COMMD10: variants seen among roughly 807,000 people sequenced by gnomAD.
The protein encoded by COMMD10 is COMM domain-containing protein 10.
COMMD10 carries 33 observed loss-of-function variants against 28.9 expected under a neutral mutation model. The observed-to-expected ratio is 1.14, with a 90% confidence interval of 0.87 to 1.53. The LOEUF is 1.53. COMMD10 is among the 40% of genes most tolerant of loss of function. The pLI, the probability that COMMD10 is intolerant of heterozygous loss-of-function variation, is 0.00. For missense variants in COMMD10, 310 were observed against 233.4 expected, an observed-to-expected ratio of 1.33 and a Z score of -2.14; for synonymous variants, 110 against 81.7, an observed-to-expected ratio of 1.35 and a Z score of -1.87.
At chr5:116,183,644 T>C (rs75782919) in intron 5 of COMMD10, among the ~76,000 whole-genome samples, 2,189 of 152,204 alleles carry the variant, frequency 0.014, 49 homozygotes, top group African/African-American at 0.046. Context: ...CCATTTCTGT[T>C]TTGTTCACCA....
rs1291871285 is a variant in COMMD10 at position 116,219,469 on chromosome 5, TATAAG to T, written c.511-72046_511-72042del. Among the ~76,000 whole-genome samples, 18 of 152,180 alleles carry T rather than the reference TATAAG, an allele frequency of 1.2e-4. No homozygotes were observed. In the South Asian group the frequency reaches 2.7e-3, roughly 23 times the overall value. The stretch of plus-strand genomic sequence containing the variant: ...CCATAAGCACAATAATAAATGTCCT[TATAAG>T]AGAGAGGCAGAGGGAGATTTGACAC... On this transcript the variant is annotated intron_variant, in intron 5 of 6. Transcript: ENST00000274458.
At chr5:116,257,951 G>A (rs991529665) in intron 5 of COMMD10, among the ~76,000 whole-genome samples, 3 of 151,586 alleles carry the variant, frequency 2.0e-5, no homozygotes, top group African/African-American at 7.3e-5. Flanking sequence ...GGTTCTGTGC[G>A]ATATAGAATG....
chr5:116,206,448 C>T (rs937354606), intron 5 of COMMD10, among the ~76,000 whole-genome samples: 3 of 152,132 alleles, frequency 2.0e-5, no homozygotes, highest in Non-Finnish European at 4.4e-5. Context: ...GTCAGGAGTT[C>T]AAGACCAGCC....
chr5:116,268,174 G>A (rs1750648122), intron 5 of COMMD10, among the ~76,000 whole-genome samples: 1 of 151,818 alleles, frequency 6.6e-6, no homozygotes, highest in Non-Finnish European at 1.5e-5. Context: ...CCTACAGAAT[G>A]GAAGAAAATG....
chr5:116,242,449 C>T (rs1380286477), intron 5 of COMMD10, among the ~76,000 whole-genome samples: 1 of 152,138 alleles, frequency 6.6e-6, no homozygotes, highest in Non-Finnish European at 1.5e-5. Flanking sequence ...CTTAGGAAAT[C>T]CTCTCAGCAA....
intron 1 of COMMD10, among the ~76,000 whole-genome samples, chr5:116,086,607 C>T (rs957711416): frequency 1.3e-5 from 2 of 152,070 alleles, no homozygotes; most frequent in Middle Eastern, 3.2e-3. Flanking sequence ...TACAGGCACC[C>T]GCCACCACGC....
At chr5:116,163,420 A>G (rs1156716844) in intron 5 of COMMD10, among the ~76,000 whole-genome samples, 6 of 134,790 alleles carry the variant, frequency 4.5e-5, no homozygotes, top group Admixed American at 4.4e-4. Flanking sequence ...CCCCACCTCT[A>G]CTTAAAAAAA....
chr5:116,240,747 C>CT (rs1187133792), intron 5 of COMMD10, among the ~76,000 whole-genome samples: 1 of 152,132 alleles, frequency 6.6e-6, no homozygotes, highest in African/African-American at 2.4e-5. Context: ...CTTAGGTCAA[C>CT]TAGAGTAATT....
At chr5:116,234,631 A>T (rs1046903563) in intron 5 of COMMD10, among the ~76,000 whole-genome samples, 1 of 152,216 alleles carries the variant, frequency 6.6e-6, no homozygotes, top group African/African-American at 2.4e-5. Flanking sequence ...AGTGTCCAGT[A>T]ATGATGCATT....
At chr5:116,143,217 A>AT (rs1283534247) in intron 5 of COMMD10, among the ~76,000 whole-genome samples, 1 of 151,330 alleles carries the variant, frequency 6.6e-6, no homozygotes, top group African/African-American at 2.4e-5. Flanking sequence ...TGTGTGTAAG[A>AT]TTTTTTCATA....
rs150027102 is a variant in COMMD10, at chr5:116,284,678, C to T, written c.511-6839C>T. The stretch of plus-strand genomic sequence containing the variant: ...TAACCAGGAGTTTCTACATTTTCCA[C>T]CATGAAGTCTGTTGTTAGAGTTGCT... On this transcript the variant is annotated intron_variant, in intron 5 of 6. Coordinates refer to ENST00000274458, the MANE Select transcript of COMMD10 (RefSeq NM_016144.4). Among the ~76,000 whole-genome samples the T allele has an allele frequency of 4.4e-3, 662 of 151,964 alleles. 8 individuals carry two copies. The highest frequency in any genetic ancestry group is 7.4e-3 in the African/African-American group (306 of 41,294).
chr5:116,233,634 T>G (rs772864540), intron 5 of COMMD10, among the ~76,000 whole-genome samples: 1 of 152,102 alleles, frequency 6.6e-6, no homozygotes, highest in Non-Finnish European at 1.5e-5. Context: ...GAGTAAAGAT[T>G]TGAAAGATGT....
chr5:116,211,077 T>C (rs1200286717), intron 5 of COMMD10, among the ~76,000 whole-genome samples: 1 of 152,054 alleles, frequency 6.6e-6, no homozygotes. Context: ...AAAATTATAA[T>C]GGAATCATTA....
intron 5 of COMMD10, among the ~76,000 whole-genome samples, chr5:116,279,590 A>C (rs897090899): frequency 5.3e-5 from 8 of 151,826 alleles, no homozygotes; most frequent in African/African-American, 1.9e-4. Flanking sequence ...GATCAGCTGA[A>C]ATTCAGGTGA....
At chr5:116,120,103 A>G (rs1467225922) in intron 4 of COMMD10, among the ~76,000 whole-genome samples, 1 of 152,142 alleles carries the variant, frequency 6.6e-6, no homozygotes, top group Admixed American at 6.5e-5. Context: ...GAACCAACCT[A>G]AGTGCCCATC....
At chr5:116,269,896 CTG>C (rs1207501668) in intron 5 of COMMD10, among the ~76,000 whole-genome samples, 1 of 151,750 alleles carries the variant, frequency 6.6e-6, no homozygotes, top group Non-Finnish European at 1.5e-5. Flanking sequence ...TACCCCATTT[CTG>C]CATATTTTAA....
chr5:116,265,865 T>C (rs1317707137), intron 5 of COMMD10, among the ~76,000 whole-genome samples: 1 of 151,812 alleles, frequency 6.6e-6, no homozygotes, highest in Non-Finnish European at 1.5e-5. Flanking sequence ...ACCACTGTGC[T>C]ATACTAAAAT....
intron 5 of COMMD10, among the ~76,000 whole-genome samples, chr5:116,240,195 G>A (rs1201330840): frequency 6.6e-6 from 1 of 151,798 alleles, no homozygotes; most frequent in Non-Finnish European, 1.5e-5. Context: ...GTGTAGACAG[G>A]TAGATGATGA....
chr5:116,210,520 G>T (rs1316860947), intron 5 of COMMD10, among the ~76,000 whole-genome samples: 1 of 151,938 alleles, frequency 6.6e-6, no homozygotes, highest in Non-Finnish European at 1.5e-5. Context: ...TTTGAAAACT[G>T]CTCAATAAGG....
Sources: allele counts gnomAD v4.1 joint callset (sites outside exome capture counted in the v4.1 genomes callset), GRCh38; gene constraint gnomAD v4.1.1; transcripts MANE v1.5; gene names NCBI Gene and HGNC (gene_info 2026-07-23, HGNC 2026-07-21).